Variants in ZNF804B observed in about 807,000 individuals in gnomAD.
ZNF804B encodes zinc finger 804B.
Under a neutral mutation model 101.4 loss-of-function variants are expected in ZNF804B, and 80 were observed. The observed-to-expected ratio is 0.79, with a 90% CI of 0.66 to 0.95. The LOEUF (loss-of-function observed/expected upper bound fraction) is 0.95. ZNF804B is among the 40% of genes least tolerant of loss of function. The probability of loss-of-function intolerance (pLI) is 0.00; values close to 1 mark genes in which losing one functional copy is unlikely to be tolerated. For missense variants in ZNF804B, 1,673 were observed against 1,561.9 expected (o/e 1.07, Z -1.20); for synonymous variants, 622 against 558.8 (o/e 1.11, Z -1.59).
At chr7:88,813,405 A>G (rs1790822189) in intron 1 of ZNF804B, among the ~76,000 whole-genome samples, 1 of 149,920 alleles carries the variant, frequency 6.7e-6, no homozygotes, top group Non-Finnish European at 1.5e-5. Context: ...AGCCTGGGCC[A>G]AAGAGCGAGA....
At chr7:89,012,724 C>A (rs923368633) in intron 1 of ZNF804B, among the ~76,000 whole-genome samples, 5 of 152,142 alleles carry the variant, frequency 3.3e-5, no homozygotes, top group Admixed American at 2.6e-4. Flanking sequence ...TTGTCTTATT[C>A]TGAGCCCTCT....
intron 1 of ZNF804B, among the ~76,000 whole-genome samples, chr7:88,813,785 T>C (rs1383417825): frequency 2.0e-5 from 3 of 152,220 alleles, no homozygotes; most frequent in Non-Finnish European, 4.4e-5. Flanking sequence ...ATATATTTTC[T>C]TATCTACAGG....
At chr7:88,794,068 G>T in intron 1 of ZNF804B, 1 of 758,590 alleles carries the variant, frequency 1.3e-6, no homozygotes, top group Non-Finnish European at 2.1e-6. Flanking sequence ...TTACCTCTGT[G>T]TATATTGCAA....
Position 89,226,076 on chromosome 7 carries a change from T to C in ZNF804B, c.249+7781T>C, listed in dbSNP as rs148914945. Among the ~76,000 whole-genome samples the C allele has an allele frequency of 4.2e-3, 635 of 152,082 alleles. 2 individuals carry two copies. The highest frequency in any genetic ancestry group is 0.037 in the Middle Eastern group (11 of 294). On this transcript the variant is annotated intron_variant, in intron 2 of 3. Transcript: ENST00000333190. ...ATAACTAGTAATCAACTAATACAAA[T>C]TTGAAGAGATTTTAAAAGGTAAATA... is the stretch of plus-strand genomic sequence containing the variant.
chr7:89,330,975 G>A (rs1790967731), intron 3 of ZNF804B, among the ~76,000 whole-genome samples: 1 of 150,666 alleles, frequency 6.6e-6, no homozygotes, highest in South Asian at 2.1e-4. Context: ...AGGATAATCA[G>A]CAAAATTATT....
intron 1 of ZNF804B, among the ~76,000 whole-genome samples, chr7:88,893,446 A>T (rs1792241795): frequency 6.6e-6 from 1 of 152,232 alleles, no homozygotes. Flanking sequence ...TGTATTTAAT[A>T]AATACATACC....
chr7:89,016,505 A>G (rs12670987), intron 1 of ZNF804B, among the ~76,000 whole-genome samples: 30 of 151,230 alleles, frequency 2.0e-4, no homozygotes, highest in East Asian at 1.2e-3. Context: ...ATCTTGAATT[A>G]ATTTTTATAT....
chr7:89,248,105 A>G lies in ZNF804B; in HGVS notation c.249+29810A>G, dbSNP rs559002008. Among the ~76,000 whole-genome samples the G allele has an allele frequency of 3.1e-4, 47 of 152,324 alleles. No individual in the cohort carries two copies. In the South Asian group the frequency reaches 9.3e-3, roughly 30 times the overall value. On this transcript the variant is annotated intron_variant, in intron 2 of 3. Coordinates refer to ENST00000333190, the MANE Select transcript of ZNF804B (RefSeq NM_181646.5). ...CAAAGTCTTCAAGAAATATGGGATG[A>G]TGTAAAGCAACCAAATCTATGAATT...
At chr7:89,234,213 A>G (rs1476198787) in intron 2 of ZNF804B, among the ~76,000 whole-genome samples, 1 of 152,024 alleles carries the variant, frequency 6.6e-6, no homozygotes, top group East Asian at 1.9e-4. Context: ...TGAGGTGTAT[A>G]TATGTTAAAT....
intron 1 of ZNF804B, among the ~76,000 whole-genome samples, chr7:88,965,673 A>G (rs1303062611): frequency 6.6e-6 from 1 of 151,548 alleles, no homozygotes; most frequent in Non-Finnish European, 1.5e-5. Flanking sequence ...AGAGCACTCT[A>G]CAATTCCCTA....
At chr7:89,132,565 A>G (rs1196674472) in intron 1 of ZNF804B, among the ~76,000 whole-genome samples, 1 of 152,018 alleles carries the variant, frequency 6.6e-6, no homozygotes, top group Non-Finnish European at 1.5e-5. Flanking sequence ...GTATTATGTC[A>G]TCATTCTGTA....
intron 1 of ZNF804B, among the ~76,000 whole-genome samples, chr7:88,896,078 C>T (rs1792279422): frequency 1.3e-5 from 2 of 152,056 alleles, no homozygotes; most frequent in Non-Finnish European, 1.5e-5. Context: ...CAAGCACTAC[C>T]TTAGGCAGGT....
intron 1 of ZNF804B, among the ~76,000 whole-genome samples, chr7:89,169,778 C>T (rs1364040682): frequency 6.6e-6 from 1 of 152,084 alleles, no homozygotes; most frequent in African/African-American, 2.4e-5. Context: ...ACAAGTATAA[C>T]TGCCACAAAC....
At chr7:89,046,838 C>A (rs367788642) in intron 1 of ZNF804B, among the ~76,000 whole-genome samples, 1 of 151,700 alleles carries the variant, frequency 6.6e-6, no homozygotes, top group East Asian at 1.9e-4. Context: ...GCAAGTATAC[C>A]CATAAATAGA....
intron 1 of ZNF804B, among the ~76,000 whole-genome samples, chr7:89,049,384 G>A (rs1789161557): frequency 6.6e-6 from 1 of 152,162 alleles, no homozygotes; most frequent in South Asian, 2.1e-4. Context: ...GAGTTGGCCT[G>A]CATGGGTTTG....
intron 1 of ZNF804B, among the ~76,000 whole-genome samples, chr7:89,071,534 A>G (rs1789539317): frequency 6.6e-6 from 1 of 152,180 alleles, no homozygotes; most frequent in Non-Finnish European, 1.5e-5. Flanking sequence ...AGGAAGCAGT[A>G]GTGCCCACAG....
intron 1 of ZNF804B, among the ~76,000 whole-genome samples, chr7:88,916,831 G>C (rs1269437821): frequency 6.6e-6 from 1 of 151,986 alleles, no homozygotes; most frequent in Non-Finnish European, 1.5e-5. Context: ...GTTTTGAGAG[G>C]AATATCATTT....
chr7:89,287,923 T>C (rs952140386), intron 2 of ZNF804B, among the ~76,000 whole-genome samples: 5 of 108,268 alleles, frequency 4.6e-5, no homozygotes, highest in Non-Finnish European at 7.6e-5. Flanking sequence ...GATAATTTAA[T>C]AGATTTTCAG....
chr7:89,081,846 A>G (rs1219839169), intron 1 of ZNF804B, among the ~76,000 whole-genome samples: 1 of 151,740 alleles, frequency 6.6e-6, no homozygotes, highest in African/African-American at 2.4e-5. Context: ...AACTTTCTAT[A>G]CTTTAGTTTC....
Sources: gnomAD v4.1 joint callset for allele counts (sites outside exome capture counted in the v4.1 genomes callset) on GRCh38, gnomAD v4.1.1 for gene constraint, MANE v1.5 for transcripts, NCBI Gene and HGNC (gene_info 2026-07-23, HGNC 2026-07-21) for gene names.